MEDAG: variants seen among roughly 807,000 people sequenced by gnomAD.
The protein encoded by MEDAG is mesenteric estrogen dependent adipogenesis.
A neutral mutation model predicts 29.9 loss-of-function variants in MEDAG; 25 were observed. The observed-to-expected ratio is 0.84, with a 90% confidence interval of 0.61 to 1.17. The LOEUF (loss-of-function observed/expected upper bound fraction) is 1.17, where lower values mean the gene tolerates loss of function less well. Ranked by LOEUF, MEDAG falls within the 50% of genes most tolerant of loss-of-function variation. The probability of loss-of-function intolerance (pLI) is 0.00; values close to 1 mark genes in which losing one functional copy is unlikely to be tolerated. For missense variants in MEDAG, 398 were observed against 372.9 expected (o/e 1.07, Z -0.56); for synonymous variants, 158 against 148.2 (o/e 1.07, Z -0.48).
intron 1 of MEDAG, among the ~76,000 whole-genome samples, chr13:30,912,164 G>C (rs1315360031): frequency 2.0e-5 from 3 of 152,170 alleles, no homozygotes; most frequent in Non-Finnish European, 4.4e-5. Flanking sequence ...AGGAATGAAT[G>C]CATGAATATG....
At chr13:30,922,130 C>A (rs1952994081) in intron 4 of MEDAG, 1 of 231,944 alleles carries the variant, frequency 4.3e-6, no homozygotes, top group Non-Finnish European at 8.2e-6. Flanking sequence ...TATTGATGAT[C>A]ATTTAAATAT....
At chr13:30,910,969 C>T (rs976809693) in intron 1 of MEDAG, among the ~76,000 whole-genome samples, 1 of 152,224 alleles carries the variant, frequency 6.6e-6, no homozygotes, top group Admixed American at 6.5e-5. Flanking sequence ...AGGACAGCAG[C>T]CCCTTAGCAG....
At chr13:30,915,888 G>A (rs532917153) in intron 1 of MEDAG, among the ~76,000 whole-genome samples, 12 of 151,950 alleles carry the variant, frequency 7.9e-5, no homozygotes, top group African/African-American at 2.7e-4. Flanking sequence ...CCCACTCCGT[G>A]AGCATCAACA....
At chr13:30,912,579 A>G (rs1371235690) in intron 1 of MEDAG, among the ~76,000 whole-genome samples, 4 of 152,064 alleles carry the variant, frequency 2.6e-5, no homozygotes, top group Non-Finnish European at 5.9e-5. Context: ...CCTATTTGTC[A>G]TTGAGCAGAA....
In MEDAG at chr13:30,906,482, G is replaced by A. The variant is rs558357118; in HGVS notation, c.-34G>A. The A allele has an allele frequency of 3.2e-5, 46 of 1,447,722 alleles. No individual in the cohort carries two copies. The African/African-American group carries it at 4.8e-4, about 15-fold the overall frequency. 89.7% of individuals were successfully genotyped at this position (1,447,722 alleles called of 1,614,324 possible). On this transcript the variant is annotated 5_prime_UTR_variant, in exon 1 of 5. Transcript: ENST00000380482. The stretch of plus-strand genomic sequence containing the variant: ...CGGCTGGGGGCTGTAGGCACCGGAC[G>A]GAAGCAGGCGGTGTGAGGACCGACG...
At chr13:30,919,701 A>C (rs1952964201) in intron 2 of MEDAG, among the ~76,000 whole-genome samples, 1 of 152,202 alleles carries the variant, frequency 6.6e-6, no homozygotes, top group Non-Finnish European at 1.5e-5. Context: ...GGTGGACCGA[A>C]GGTTTGTCTC....
intron 3 of MEDAG, 103 bp from the exon 4 acceptor site, chr13:30,921,458 A>C: frequency 9.4e-7 from 1 of 1,066,946 alleles, no homozygotes; most frequent in Non-Finnish European, 1.3e-6. Context: ...TGAAAGGGAA[A>C]TAAGAGGTGT....
At chr13:30,913,160 C>T (rs1324858628) in intron 1 of MEDAG, among the ~76,000 whole-genome samples, 1 of 152,168 alleles carries the variant, frequency 6.6e-6, no homozygotes, top group Non-Finnish European at 1.5e-5. Context: ...TTTTGAAATA[C>T]TGTGTTTCCC....
At chr13:30,915,748 C>A (rs4943472) in intron 1 of MEDAG, among the ~76,000 whole-genome samples, 22,018 of 151,898 alleles carry the variant, frequency 0.14, 1,671 homozygotes, top group Middle Eastern at 0.2. Flanking sequence ...TGAAGGAAGA[C>A]CCATACCAAA....
chr13:30,913,676 A>T lies in MEDAG; in HGVS notation c.279-3727A>T, dbSNP rs117203748. Among the ~76,000 whole-genome samples the T allele has an allele frequency of 3.1e-3, 471 of 152,358 alleles. 2 individuals carry two copies. Among genetic ancestry groups the T allele is most frequent in the South Asian group, 0.011 (53 of 4,824 alleles). On this transcript the variant is annotated intron_variant, in intron 1 of 4. Coordinates refer to ENST00000380482, the MANE Select transcript of MEDAG (RefSeq NM_032849.4). ...AAGTGTTTGCTTTTCATTCCTAATGATAATAATTTCAGCAACTATGATAAA... is the reference window on the plus strand; with the variant it reads ...AAGTGTTTGCTTTTCATTCCTAATGTTAATAATTTCAGCAACTATGATAAA...
intron 2 of MEDAG, among the ~76,000 whole-genome samples, chr13:30,919,518 G>A (rs1380956288): frequency 6.6e-6 from 1 of 152,206 alleles, no homozygotes; most frequent in African/African-American, 2.4e-5. Context: ...TTAATTGAAG[G>A]TATCAAGGAG....
intron 1 of MEDAG, among the ~76,000 whole-genome samples, chr13:30,915,107 C>G (rs1368108015): frequency 6.6e-6 from 1 of 152,154 alleles, no homozygotes; most frequent in East Asian, 1.9e-4. Flanking sequence ...CAGACTTGCC[C>G]TTTCCTTCCT....
At chr13:30,906,930 C>A in intron 1 of MEDAG, 137 bp downstream of exon 1, 1 of 882,940 alleles carries the variant, frequency 1.1e-6, no homozygotes, top group Non-Finnish European at 1.6e-6. Context: ...CGCTTCTAGA[C>A]TTTCCTTCTG....
rs1299147604 is a variant in MEDAG at position 30,906,348 on chromosome 13, C to T, written c.-168C>T. The T allele has an allele frequency of 3.1e-6, 2 of 640,322 alleles. No homozygotes were observed. The highest frequency in any genetic ancestry group is 4.6e-6 in the Non-Finnish European group (2 of 435,776). The allele number at this position is 640,322 out of a possible 1,614,324, so 39.7% of individuals were successfully genotyped here. Reference sequence around the variant, plus strand: ...GGCCGCCCGGGCGGTCAGACTGGCACCTGAGCGGCCACCGCGTCCCGGCCA... The same window carrying T: ...GGCCGCCCGGGCGGTCAGACTGGCATCTGAGCGGCCACCGCGTCCCGGCCA... On this transcript the variant is annotated 5_prime_UTR_variant, in exon 1 of 5. Transcript: ENST00000380482.
chr13:30,925,270 C>A lies in MEDAG; in HGVS notation c.*835C>A, dbSNP rs1475385023. ...AAAAGCAAAATAGAAGAAAGCTATACCATTACCATAATACATTTTTCATCT... is the reference window on the plus strand; with the variant it reads ...AAAAGCAAAATAGAAGAAAGCTATAACATTACCATAATACATTTTTCATCT... On this transcript the variant is annotated 3_prime_UTR_variant, in exon 5 of 5. Transcript: ENST00000380482. 2 of 152,064 alleles carry A rather than the reference C, an allele frequency of 1.3e-5. No homozygotes were observed. Among genetic ancestry groups the A allele is most frequent in the East Asian group, 3.9e-4 (2 of 5,194 alleles). The allele number at this position is 152,064 out of a possible 1,614,324, so 9.4% of individuals were successfully genotyped here.
rs376015425 is a variant in MEDAG, at chr13:30,920,994, T to C, written c.389-20T>C. ...TCACATGGACACACTTGTTTCTGAA[T>C]TCTGCTTGCTAATTTCTAGAAAGGA... On this transcript the variant is annotated intron_variant, in intron 2 of 4. Coordinates refer to ENST00000380482, the MANE Select transcript of MEDAG (RefSeq NM_032849.4). 29 of 1,599,226 alleles carry C rather than the reference T, an allele frequency of 1.8e-5. No individual in the cohort carries two copies. In the African/African-American group the frequency reaches 3.1e-4, roughly 17 times the overall value.
chr13:30,914,972 A>G (rs1459276226), intron 1 of MEDAG, among the ~76,000 whole-genome samples: 2 of 152,226 alleles, frequency 1.3e-5, no homozygotes, highest in Non-Finnish European at 2.9e-5. Flanking sequence ...TGAAATGACC[A>G]TGACTGAACT....
intron 2 of MEDAG, among the ~76,000 whole-genome samples, chr13:30,920,264 A>G (rs944700441): frequency 4.6e-5 from 7 of 152,214 alleles, no homozygotes; most frequent in Non-Finnish European, 7.3e-5. Context: ...TTTGCAAATA[A>G]GAAAGTTTCT....
chr13:30,908,327 T>A (rs1952849078), intron 1 of MEDAG, among the ~76,000 whole-genome samples: 1 of 152,200 alleles, frequency 6.6e-6, no homozygotes, highest in South Asian at 2.1e-4. Context: ...TAATAGGCTA[T>A]CATTGTATAA....
Sources: gnomAD v4.1 joint callset for allele counts (sites outside exome capture counted in the v4.1 genomes callset) on GRCh38, gnomAD v4.1.1 for gene constraint, MANE v1.5 for transcripts, NCBI Gene and HGNC (gene_info 2026-07-23, HGNC 2026-07-21) for gene names.